C1S: variants seen among roughly 807,000 people sequenced by gnomAD.
C1S encodes complement C1s.
In C1S, 31 loss-of-function variants were observed where a neutral mutation model predicts 54.0. The observed-to-expected ratio is 0.57, with a 90% CI of 0.43 to 0.78. C1S has a LOEUF of 0.78. Ranked by LOEUF, C1S falls within the 30% of genes least tolerant of loss-of-function variation. The pLI, the probability that C1S is intolerant of heterozygous loss-of-function variation, is 0.00. For synonymous variants in C1S, 292 were observed against 303.6 expected (o/e 0.96, Z 0.40); for missense variants, 727 against 851.8 (o/e 0.85, Z 1.82).
In C1S at chr12:7,069,863, G is replaced by C. The variant is rs1293450165; in HGVS notation, c.1279G>C (p.Val427Leu). 1 of 1,612,802 alleles carries C rather than the reference G, an allele frequency of 6.2e-7. No individual in the cohort carries two copies. The highest frequency in any genetic ancestry group is 1.1e-5 in the South Asian group (1 of 91,060). The part of the protein sequence containing the change: ...ELPKCVPVCG[V>L]PREPFEEKQR... ...GTTTTATTCCTTCCTAGTCTGTGGA[G>C]TCCCCAGAGAACCCTTTGAAGAAAA... The change falls in exon 12 of 12, where the codon GTC becomes CTC. Residue 427 changes from valine (V) to leucine (L), a missense_variant. Transcript: ENST00000360817.
Position 7,062,633 on chromosome 12 carries a change from C to A in C1S, c.164C>A (p.Thr55Asn), listed in dbSNP as rs1565619456. The A allele has an allele frequency of 6.2e-7, 1 of 1,614,102 alleles. No homozygotes were observed. The highest frequency in any genetic ancestry group is 1.7e-5 in the Admixed American group (1 of 60,012). Residue 55 changes from threonine to asparagine, a missense_variant, in exon 3 of 12, where the codon ACC becomes AAC. Transcript: ENST00000360817. ...PEGYGIHLYF[T>N]HLDIELSENC... ...GGGTATGGGATTCACCTCTACTTCA[C>A]CCATCTGGACATTGAGCTGTCAGAG... is the stretch of plus-strand genomic sequence containing the variant.
chr12:7,066,330 G>A (rs1263476007), intron 7 of C1S, 188 bp from the exon 8 acceptor site: 2 of 668,850 alleles, frequency 3.0e-6, no homozygotes, highest in African/African-American at 3.5e-5. Flanking sequence ...ACCTGAGACT[G>A]CAGACAGCTT....
Position 7,061,849 on chromosome 12 carries a change from C to A in C1S, c.-64C>A. The A allele has an allele frequency of 6.2e-7, 1 of 1,604,358 alleles. No homozygotes were observed. The highest frequency in any genetic ancestry group is 8.5e-7 in the Non-Finnish European group (1 of 1,171,320). On this transcript the variant is annotated 5_prime_UTR_variant, in exon 2 of 12. Transcript: ENST00000360817. ...CCTGCCACCCCTTAGGCTCCAAAGT[C>A]CGGAGGTGCAGAAAGCCAGGACCAA... is the stretch of plus-strand genomic sequence containing the variant.
intron 1 of C1S, 87 bp from the exon 2 acceptor site, chr12:7,061,752 G>T: frequency 1.4e-6 from 1 of 740,426 alleles, no homozygotes; most frequent in South Asian, 1.5e-5. Context: ...ACCTTTGAAG[G>T]TGACACTGAG....
intron 7 of C1S, 145 bp downstream of exon 7, chr12:7,066,115 G>A: frequency 2.6e-6 from 2 of 774,512 alleles, no homozygotes; most frequent in Middle Eastern, 2.4e-4. Context: ...GATCCCTTGA[G>A]CCCAGGAAGT....
chr12:7,069,628 C>T (rs922226368), intron 11 of C1S, among the ~76,000 whole-genome samples: 8 of 152,220 alleles, frequency 5.3e-5, no homozygotes, highest in South Asian at 2.1e-4. Context: ...ACACTGCCTC[C>T]GTTTAACTGA....
chr12:7,065,486 G>A, intron 6 of C1S, 187 bp downstream of exon 6: 1 of 692,376 alleles, frequency 1.4e-6, no homozygotes, highest in Non-Finnish European at 2.6e-6. Context: ...CTCCTGAGTA[G>A]CTGGGCCCAC....
rs13694 is a variant in C1S at position 7,070,756 on chromosome 12, C to T, written c.*105C>T. The stretch of plus-strand genomic sequence containing the variant: ...CATCATGACTGAAAGAAGACACGAG[C>T]GAATGATTTAAATAGAACTTGATTG... On this transcript the variant is annotated 3_prime_UTR_variant, in exon 12 of 12. Coordinates refer to ENST00000360817, the MANE Select transcript of C1S (RefSeq NM_001734.5). This position sits in a 1 kb window ranked among gnomAD's most constrained non-coding sequence, Gnocchi z 4.9. 5.1e-4 allele frequency: 501 copies of T among 979,436 alleles called. No homozygotes were observed. The African/African-American group carries it at 5.3e-3, about 10-fold the overall frequency. The allele number at this position is 979,436 out of a possible 1,614,324, so 60.7% of individuals were successfully genotyped here. A position where few individuals can be genotyped will look rare whatever the true frequency, so the allele number is the denominator to read the frequency against.
chr12:7,070,060 GC>G lies in C1S; in HGVS notation c.1477del (p.Gln493ArgfsTer43). 8.1e-6 allele frequency: 13 copies of G among 1,614,142 alleles called. No homozygotes were observed. The highest frequency in any genetic ancestry group is 1.0e-5 in the Non-Finnish European group (12 of 1,180,006). On this transcript the variant is annotated frameshift_variant, in exon 12 of 12. Transcript: ENST00000360817. LOFTEE classifies it low-confidence loss of function (END_TRUNC). The surrounding 1 kb of genome is among the most constrained non-coding windows in gnomAD (Gnocchi z 4.9). ...PTMYVGSTSV[Q>X]TSRLAKSKML... is the part of the protein sequence containing the mutation. ...CAATGTATGTTGGGTCCACCTCAGT[GC>G]AGACCTCACGGCTGGCAAAATCCAA...
Position 7,062,666 on chromosome 12 carries a change from C to G in C1S, c.197C>G (p.Ala66Gly). 2 of 1,613,428 alleles carry G rather than the reference C, an allele frequency of 1.2e-6. No homozygotes were observed. The highest frequency in any genetic ancestry group is 2.2e-5 in the South Asian group (2 of 91,060). ...HLDIELSENC[A>G]YDSVQIISGD... ...GACATTGAGCTGTCAGAGAACTGTG[C>G]GTATGACTCAGTGCAGGTATGTTAT... The change falls in exon 3 of 12, where the codon GCG becomes GGG. Residue 66 changes from alanine to glycine, a missense_variant. Ala to Gly is a moderately conservative substitution (Grantham distance 60). This residue lies in a region of C1S where 357 missense variants were observed against 365.4 expected (regional missense o/e 0.98). Coordinates refer to ENST00000360817, the MANE Select transcript of C1S (RefSeq NM_001734.5).
At position 7,062,587 on chromosome 12, in the gene C1S, T is replaced by A; in HGVS notation, c.118T>A (p.Trp40Arg). Reference sequence around the variant, plus strand: ...ATATCCCAGTGAGGTAGAGAAATCTTGGGACATAGAAGTTCCTGAAGGGTA... The same window carrying A: ...ATATCCCAGTGAGGTAGAGAAATCTAGGGACATAGAAGTTCCTGAAGGGTA... The part of the protein sequence containing the change: ...QAYPSEVEKS[W>R]DIEVPEGYGI... Residue 40 changes from tryptophan (W) to arginine (R), a missense_variant, in exon 3 of 12, where the codon TGG (tryptophan) becomes AGG (arginine). Around this residue, in one of 3 missense-constraint regions of C1S, gnomAD observed 357 missense variants for 365.4 expected, o/e 0.98. Coordinates refer to ENST00000360817, the MANE Select transcript of C1S (RefSeq NM_001734.5). 6.2e-7 allele frequency: 1 copy of A among 1,614,144 alleles called. No individual in the cohort carries two copies. The highest frequency in any genetic ancestry group is 8.5e-7 in the Non-Finnish European group (1 of 1,179,994).
Position 7,070,822 on chromosome 12 carries a change from G to A in C1S, c.*171G>A, listed in dbSNP as rs1417452848. ...AGAGGTAGAGTTTGATCATAGAATT[G>A]TGCTGGTCATACATTTGTGGTCTGA... is the stretch of plus-strand genomic sequence containing the variant. On this transcript the variant is annotated 3_prime_UTR_variant, in exon 12 of 12. Transcript: ENST00000360817. The surrounding 1 kb of genome is among the most constrained non-coding windows in gnomAD (Gnocchi z 4.9). 1.5e-6 allele frequency: 1 copy of A among 678,194 alleles called. No individual in the cohort carries two copies. Among genetic ancestry groups the A allele is most frequent in the Non-Finnish European group, 2.6e-6 (1 of 385,494 alleles). The allele number at this position is 678,194 out of a possible 1,614,324, so 42.0% of individuals were successfully genotyped here.
Position 7,067,066 on chromosome 12 carries a change from T to C in C1S, c.1015T>C (p.Ser339Pro). The C allele has an allele frequency of 6.2e-7, 1 of 1,612,462 alleles. No homozygotes were observed. Among genetic ancestry groups the C allele is most frequent in the Non-Finnish European group, 8.5e-7 (1 of 1,178,390 alleles). ...ACGTGTTGGTGCAACATCTTTCTAT[T>C]CGACTTGTCAAAGCAATGGAAAGTG... ...EGRVGATSFY[S>P]TCQSNGKWSN... The change falls in exon 9 of 12, where the codon TCG (serine) becomes CCG (proline). Residue 339 changes from serine (S) to proline (P), a missense_variant. Physicochemically the swap from Ser to Pro is moderately conservative, Grantham distance 74. Around this residue, in one of 3 missense-constraint regions of C1S, gnomAD observed 360 missense variants for 453.6 expected, o/e 0.79. Coordinates refer to ENST00000360817, the MANE Select transcript of C1S (RefSeq NM_001734.5).
At position 7,070,008 on chromosome 12, in the gene C1S, A is replaced by G. The variant is rs1937799967; in HGVS notation, c.1424A>G (p.His475Arg). 33 of 1,614,090 alleles carry G rather than the reference A, an allele frequency of 2.0e-5. No individual in the cohort carries two copies. The highest frequency in any genetic ancestry group is 2.8e-5 in the Non-Finnish European group (33 of 1,180,042). The change falls in exon 12 of 12, where the codon CAT becomes CGT. Residue 475 changes from histidine (H) to arginine (R), a missense_variant. Transcript: ENST00000360817. This position sits in a 1 kb window ranked among gnomAD's most constrained non-coding sequence, Gnocchi z 4.9. ...INEYWVLTAA[H>R]VVEGNREPTM... ...GAGTACTGGGTGCTGACGGCTGCTC[A>G]TGTTGTGGAGGGAAACAGGGAGCCA... is the stretch of plus-strand genomic sequence containing the variant.
chr12:7,062,562 A>G lies in C1S; in HGVS notation c.93A>G (p.Ala31=). The G allele has an allele frequency of 6.2e-7, 1 of 1,613,836 alleles. No individual in the cohort carries two copies. Among genetic ancestry groups the G allele is most frequent in the Non-Finnish European group, 8.5e-7 (1 of 1,179,744 alleles). The change falls in exon 3 of 12, where the codon GCA becomes GCG. Residue 31 remains alanine, a synonymous_variant. Coordinates refer to ENST00000360817, the MANE Select transcript of C1S (RefSeq NM_001734.5). ...GEILSPNYPQ[A]YPSEVEKSWD... ...TCCTGTCCCCTAACTATCCTCAGGC[A>G]TATCCCAGTGAGGTAGAGAAATCTT...
In C1S at chr12:7,062,032, G is replaced by A. The variant is rs1214582081; in HGVS notation, c.5+115G>A. 1.9e-5 allele frequency: 19 copies of A among 1,023,494 alleles called. No homozygotes were observed. The Admixed American group carries it at 3.4e-4, about 18-fold the overall frequency. 63.4% of individuals were successfully genotyped at this position (1,023,494 alleles called of 1,614,324 possible). ...CACCTGTAACCCCAGCACTTTGGGAGGCTGAGGCGGGAGGATTGCTTGAGC... is the reference window on the plus strand; with the variant it reads ...CACCTGTAACCCCAGCACTTTGGGAAGCTGAGGCGGGAGGATTGCTTGAGC... On this transcript the variant is annotated intron_variant, in intron 2 of 11. Coordinates refer to ENST00000360817, the MANE Select transcript of C1S (RefSeq NM_001734.5).
In C1S at chr12:7,067,722, C is replaced by A; in HGVS notation, c.1146C>A (p.Ile382=). The part of the protein sequence containing the change: ...DPESTLFGSV[I]RYTCEEPYYY... ...AGAGCACTTTGTTTGGTTCTGTCATCCGCTACACTTGTGAGGAGCCATATT... is the reference window on the plus strand; with the variant it reads ...AGAGCACTTTGTTTGGTTCTGTCATACGCTACACTTGTGAGGAGCCATATT... The change falls in exon 10 of 12, where the codon ATC becomes ATA. Residue 382 remains isoleucine, a synonymous_variant. Coordinates refer to ENST00000360817, the MANE Select transcript of C1S (RefSeq NM_001734.5). 1.9e-6 allele frequency: 3 copies of A among 1,613,974 alleles called. No individual in the cohort carries two copies. Among genetic ancestry groups the A allele is most frequent in the Non-Finnish European group, 2.5e-6 (3 of 1,179,878 alleles).
At chr12:7,062,706 T>A in intron 3 of C1S, 24 bp downstream of exon 3, 2 of 1,603,118 alleles carry the variant, frequency 1.2e-6, no homozygotes, top group Non-Finnish European at 1.7e-6. Context: ...ACAAAAAGAA[T>A]AGAGATGGAA....
intron 5 of C1S, 68 bp from the exon 6 acceptor site, chr12:7,065,032 T>C (rs1313773685): frequency 3.8e-6 from 5 of 1,316,804 alleles, no homozygotes; most frequent in Non-Finnish European, 5.5e-6. Flanking sequence ...GAAGGAATCA[T>C]AGAATAGTGC....
Sources: gnomAD v4.1 joint callset for allele counts (sites outside exome capture counted in the v4.1 genomes callset) on GRCh38, gnomAD v4.1.1 for gene constraint, gnomAD v4.1.1 regional missense constraint, Gnocchi (gnomAD v3.1) non-coding constraint, MANE v1.5 for transcripts, NCBI Gene and HGNC (gene_info 2026-07-23, HGNC 2026-07-21) for gene names.